PDE6C: variants seen among roughly 807,000 people sequenced by gnomAD.
PDE6C encodes the protein cone cGMP-specific 3',5'-cyclic phosphodiesterase subunit alpha'.
A neutral mutation model predicts 113.1 loss-of-function variants in PDE6C; 75 were observed. That is an observed-to-expected ratio of 0.66 (90% CI 0.55 to 0.80). The LOEUF (loss-of-function observed/expected upper bound fraction) is 0.80, where lower values mean the gene tolerates loss of function less well. PDE6C is among the 30% of genes least tolerant of loss of function. The probability of loss-of-function intolerance (pLI) is 0.00; values close to 1 mark genes in which losing one functional copy is unlikely to be tolerated. For missense variants in PDE6C, 912 were observed against 1,038.6 expected (o/e 0.88, Z 1.67); for synonymous variants, 375 against 363.7 (o/e 1.03, Z -0.35).
chr10:93,657,328 A>ATT lies in PDE6C; in HGVS notation c.2036+1495_2036+1496dup, dbSNP rs71031526. Among the ~76,000 whole-genome samples the ATT allele has an allele frequency of 5.3e-3, 472 of 88,276 alleles. 21 individuals carry two copies. Among genetic ancestry groups the ATT allele is most frequent in the Admixed American group, 5.7e-3 (35 of 6,092 alleles). The allele number at this position is 88,276 out of a possible 152,430, so 57.9% of individuals were successfully genotyped here. A position where few individuals can be genotyped will look rare whatever the true frequency, so the allele number is the denominator to read the frequency against. On this transcript the variant is annotated intron_variant, in intron 16 of 21. Coordinates refer to ENST00000371447, the MANE Select transcript of PDE6C (RefSeq NM_006204.4). ...AGGCACACGTCACCACGCCTGGCTA[A>ATT]TTTTTTTTTTTTTTTTTTTTTTTTT...
At chr10:93,644,903 A>ATC (rs2058577236) in intron 14 of PDE6C, among the ~76,000 whole-genome samples, 1 of 147,172 alleles carries the variant, frequency 6.8e-6, no homozygotes. Flanking sequence ...TATATATAGT[A>ATC]TATATACACT....
chr10:93,626,519 A>C, intron 5 of PDE6C, 121 bp from the exon 6 acceptor site: 2 of 661,382 alleles, frequency 3.0e-6, no homozygotes, highest in Non-Finnish European at 2.7e-6. Context: ...TTTATGTTAT[A>C]ATATAATGTG....
Position 93,616,722 on chromosome 10 carries a change from C to T in PDE6C, c.480+3517C>T, listed in dbSNP as rs561037023. 3.2e-4 allele frequency among the ~76,000 whole-genome samples: 45 copies of T among 140,608 alleles called. No homozygotes were observed. The South Asian group carries it at 6.4e-3, about 20-fold the overall frequency. The allele number at this position is 140,608 out of a possible 152,430, so 92.2% of individuals were successfully genotyped here. On this transcript the variant is annotated intron_variant, in intron 1 of 21. Transcript: ENST00000371447. ...AGGCTGGAGTGCAATGGCTTGATCT[C>T]GGCTCACTGCAACCTCTGCCTCCCA...
chr10:93,622,183 T>C, intron 4 of PDE6C, 111 bp downstream of exon 4: 2 of 1,131,466 alleles, frequency 1.8e-6, no homozygotes, highest in South Asian at 1.2e-5. Context: ...TTAGTCATGA[T>C]TGATGACAAG....
In PDE6C at chr10:93,632,259, T is replaced by C. The variant is rs933090230; in HGVS notation, c.1120-2499T>C. 5.3e-5 allele frequency among the ~76,000 whole-genome samples: 8 copies of C among 152,218 alleles called. No individual in the cohort carries two copies. The East Asian group carries it at 1.5e-3, about 29-fold the overall frequency. On this transcript the variant is annotated intron_variant, in intron 8 of 21. Transcript: ENST00000371447. Reference sequence around the variant, plus strand: ...CTTAAGGCCAGCTAATTAGCAACCATCATTCTATCTGCAACCTTAGTTCCC... The same window carrying C: ...CTTAAGGCCAGCTAATTAGCAACCACCATTCTATCTGCAACCTTAGTTCCC...
intron 18 of PDE6C, among the ~76,000 whole-genome samples, chr10:93,661,667 C>T (rs2058666480): frequency 6.6e-6 from 1 of 152,138 alleles, no homozygotes; most frequent in Non-Finnish European, 1.5e-5. Flanking sequence ...AAGCTACATA[C>T]TAATGGGTGT....
chr10:93,613,037 G>A lies in PDE6C; in HGVS notation c.312G>A (p.Arg104=). The A allele has an allele frequency of 6.2e-7, 1 of 1,614,180 alleles. No homozygotes were observed. The highest frequency in any genetic ancestry group is 8.5e-7 in the Non-Finnish European group (1 of 1,180,038). The change falls in exon 1 of 22, where the codon CGG becomes CGA. Residue 104 remains arginine, a synonymous_variant. Coordinates refer to ENST00000371447, the MANE Select transcript of PDE6C (RefSeq NM_006204.4). The part of the protein sequence containing the change: ...DRCSMFLCRS[R]NGIPEVASRL... ...GCAGCATGTTCCTGTGCCGGTCCCG[G>A]AACGGCATACCTGAGGTGGCCTCTA...
rs2058475244 is a variant in PDE6C, at chr10:93,626,801, C to A, written c.1005-4C>A. The stretch of plus-strand genomic sequence containing the variant: ...CAATGATTTTTTTTCTTCTCTTCCC[C>A]AAGGACGCCTCCTGCAGACCACTGG... On this transcript the variant is annotated splice_polypyrimidine_tract_variant and splice_region_variant and intron_variant, in intron 6 of 21. Transcript: ENST00000371447. 2 of 1,613,764 alleles carry A rather than the reference C, an allele frequency of 1.2e-6. No homozygotes were observed. Among genetic ancestry groups the A allele is most frequent in the Non-Finnish European group, 1.7e-6 (2 of 1,179,814 alleles).
intron 1 of PDE6C, among the ~76,000 whole-genome samples, chr10:93,617,718 G>A (rs1286802612): frequency 6.6e-6 from 1 of 152,188 alleles, no homozygotes; most frequent in Non-Finnish European, 1.5e-5. Context: ...AGCCTGCAGT[G>A]ATCAGAGATC....
chr10:93,640,280 G>A, intron 12 of PDE6C, 64 bp downstream of exon 12: 2 of 1,502,940 alleles, frequency 1.3e-6, no homozygotes, highest in Non-Finnish European at 1.9e-6. Flanking sequence ...GATGTTTTCT[G>A]TGGTTCAAAA....
chr10:93,636,368 T>TGTGTGTG (rs373109205), intron 10 of PDE6C, among the ~76,000 whole-genome samples: 1,470 of 141,348 alleles, frequency 0.01, 13 homozygotes, highest in African/African-American at 0.01. Flanking sequence ...TTCCCTGGCT[T>TGTGTGTG]TGTGTGTGTG....
chr10:93,651,226 A>G (rs1352717245), intron 15 of PDE6C, among the ~76,000 whole-genome samples: 1 of 152,212 alleles, frequency 6.6e-6, no homozygotes, highest in Non-Finnish European at 1.5e-5. Flanking sequence ...GGAAATCCTC[A>G]GCTTCCAATT....
At chr10:93,636,427 G>T (rs536190063) in intron 10 of PDE6C, among the ~76,000 whole-genome samples, 1 of 144,450 alleles carries the variant, frequency 6.9e-6, no homozygotes, top group East Asian at 2.2e-4. Flanking sequence ...GGAGTGGGTT[G>T]GTTTTGGTGA....
At chr10:93,615,442 C>A (rs1718815451) in intron 1 of PDE6C, among the ~76,000 whole-genome samples, 1 of 152,140 alleles carries the variant, frequency 6.6e-6, no homozygotes. Context: ...AGTGCGATGG[C>A]GCTATCTTGG....
chr10:93,618,609 C>T (rs181295486), intron 1 of PDE6C, among the ~76,000 whole-genome samples: 5 of 152,298 alleles, frequency 3.3e-5, no homozygotes, highest in Admixed American at 1.3e-4. Flanking sequence ...CCTCTGAGAG[C>T]GGTACCATTT....
intron 1 of PDE6C, among the ~76,000 whole-genome samples, chr10:93,615,203 G>A (rs962698559): frequency 1.3e-5 from 2 of 152,124 alleles, no homozygotes; most frequent in African/African-American, 4.8e-5. Flanking sequence ...GAGATGGGAG[G>A]ATGGCCTGAG....
chr10:93,653,592 T>A (rs184256432), intron 15 of PDE6C, among the ~76,000 whole-genome samples: 1 of 151,756 alleles, frequency 6.6e-6, no homozygotes, highest in African/African-American at 2.4e-5. Context: ...TGAAGTGAGC[T>A]GAGATTGTGC....
rs548174996 is a variant in PDE6C, at chr10:93,644,380, TG to T, written c.1848-1579del. Among the ~76,000 whole-genome samples the T allele has an allele frequency of 3.5e-3, 540 of 152,302 alleles. 5 individuals carry two copies. The highest frequency in any genetic ancestry group is 0.013 in the African/African-American group (523 of 41,580). Reference sequence around the variant, plus strand: ...AGGAATTAAAGATACCACTCCTTTCTGACTAGAATTGAGCTTTTTCATTTTT... The same window carrying T: ...AGGAATTAAAGATACCACTCCTTTCTACTAGAATTGAGCTTTTTCATTTTT... On this transcript the variant is annotated intron_variant, in intron 14 of 21. Transcript: ENST00000371447.
intron 15 of PDE6C, among the ~76,000 whole-genome samples, chr10:93,647,031 A>G (rs763226775): frequency 2.0e-5 from 3 of 152,222 alleles, no homozygotes; most frequent in Non-Finnish European, 4.4e-5. Flanking sequence ...CCTTGAATTC[A>G]TTGTGAATTG....
Sources: allele counts gnomAD v4.1 joint callset (sites outside exome capture counted in the v4.1 genomes callset), GRCh38; gene constraint gnomAD v4.1.1; transcripts MANE v1.5; gene names NCBI Gene and HGNC (gene_info 2026-07-23, HGNC 2026-07-21).